Variants in TMEM132D observed in about 807,000 individuals in gnomAD.
The protein encoded by TMEM132D is transmembrane protein 132D, also known as mature OL transmembrane protein.
Under a neutral mutation model 62.3 loss-of-function variants are expected in TMEM132D, and 21 were observed. The observed-to-expected ratio is 0.34, with a 90% CI of 0.24 to 0.49. The LOEUF (loss-of-function observed/expected upper bound fraction) is 0.49, where lower values mean the gene tolerates loss of function less well. Ranked by LOEUF, TMEM132D falls within the 20% of genes least tolerant of loss-of-function variation. TMEM132D has a pLI of 0.99. For synonymous variants in TMEM132D, 621 were observed against 575.6 expected (o/e 1.08, Z -1.13); for missense variants, 1,346 against 1,402.8 (o/e 0.96, Z 0.65).
At chr12:129,578,637 G>A (rs1877753189) in intron 2 of TMEM132D, among the ~76,000 whole-genome samples, 1 of 152,014 alleles carries the variant, frequency 6.6e-6, no homozygotes, top group African/African-American at 2.4e-5. Flanking sequence ...TATACCATCT[G>A]CAAGCTGGTG....
intron 4 of TMEM132D, among the ~76,000 whole-genome samples, chr12:129,228,135 G>A (rs140436850): frequency 1.3e-4 from 11 of 82,512 alleles, no homozygotes; most frequent in African/African-American, 4.4e-4. Context: ...AGCATGAGAC[G>A]TGTGTTTTGG....
chr12:129,236,422 G>C lies in TMEM132D; in HGVS notation c.1300-26759C>G, dbSNP rs183288349. Among the ~76,000 whole-genome samples, 38 of 149,410 alleles carry C rather than the reference G, an allele frequency of 2.5e-4. No homozygotes were observed. In the East Asian group the frequency reaches 6.8e-3, roughly 27 times the overall value. On this transcript the variant is annotated intron_variant, in intron 4 of 8. Transcript: ENST00000422113. Reference sequence around the variant, plus strand: ...CCCAGCTACTCGGGAGGCTGAGGCAGGAGAATTGCTTGAACCTAGGAGGCG... The same window carrying C: ...CCCAGCTACTCGGGAGGCTGAGGCACGAGAATTGCTTGAACCTAGGAGGCG...
chr12:129,298,053 A>G (rs1593327866), intron 4 of TMEM132D, among the ~76,000 whole-genome samples: 1 of 152,326 alleles, frequency 6.6e-6, no homozygotes, highest in East Asian at 1.9e-4. Context: ...GAAAAACAAC[A>G]TTAATACATA....
chr12:129,144,539 C>A (rs546053657), intron 5 of TMEM132D, among the ~76,000 whole-genome samples: 2 of 152,122 alleles, frequency 1.3e-5, no homozygotes, highest in African/African-American at 4.8e-5. Flanking sequence ...CCCTAGCTTA[C>A]GGCTAGACAT....
At chr12:129,713,052 A>G (rs1868434407) in intron 1 of TMEM132D, among the ~76,000 whole-genome samples, 1 of 152,074 alleles carries the variant, frequency 6.6e-6, no homozygotes, top group Non-Finnish European at 1.5e-5. Flanking sequence ...TGACTTTAAG[A>G]CAGAGTCCTA....
At chr12:129,602,376 A>C (rs1195697459) in intron 2 of TMEM132D, among the ~76,000 whole-genome samples, 1 of 152,214 alleles carries the variant, frequency 6.6e-6, no homozygotes, top group East Asian at 1.9e-4. Context: ...TTACTTCCTA[A>C]AGCAGATAGA....
intron 2 of TMEM132D, among the ~76,000 whole-genome samples, chr12:129,581,067 G>C (rs753892381): frequency 6.6e-6 from 1 of 152,302 alleles, no homozygotes; most frequent in East Asian, 1.9e-4. Context: ...CAGGGGTCAT[G>C]GTGGCTTGGT....
chr12:129,554,735 T>C (rs144736091), intron 2 of TMEM132D, among the ~76,000 whole-genome samples: 2 of 152,264 alleles, frequency 1.3e-5, no homozygotes, highest in African/African-American at 4.8e-5. Flanking sequence ...CCTGCTTTCA[T>C]GGGGAATCAC....
intron 2 of TMEM132D, among the ~76,000 whole-genome samples, chr12:129,602,238 A>T (rs1190037437): frequency 6.6e-6 from 1 of 152,210 alleles, no homozygotes; most frequent in Non-Finnish European, 1.5e-5. Flanking sequence ...TCCACACTAT[A>T]GGCTAAGAAT....
intron 2 of TMEM132D, among the ~76,000 whole-genome samples, chr12:129,625,835 A>G (rs1879198491): frequency 6.6e-6 from 1 of 152,156 alleles, no homozygotes; most frequent in Non-Finnish European, 1.5e-5. Flanking sequence ...GCCCACTCAG[A>G]GGGGGTATGT....
intron 3 of TMEM132D, among the ~76,000 whole-genome samples, chr12:129,407,817 G>A (rs1279143155): frequency 1.3e-5 from 2 of 151,344 alleles, no homozygotes; most frequent in African/African-American, 2.4e-5. Flanking sequence ...CAGGAGAATG[G>A]TGCAAACCCG....
chr12:129,586,828 AG>A (rs1439602217), intron 2 of TMEM132D, among the ~76,000 whole-genome samples: 1 of 152,184 alleles, frequency 6.6e-6, no homozygotes, highest in African/African-American at 2.4e-5. Flanking sequence ...AACATGATGA[AG>A]GTGGCATTCC....
At chr12:129,400,226 C>A (rs7133402) in intron 3 of TMEM132D, among the ~76,000 whole-genome samples, 111,964 of 151,960 alleles carry the variant, frequency 0.74, 41,630 homozygotes, top group Non-Finnish European at 0.79. Context: ...GAAACACAAA[C>A]GGTCAAAACT....
chr12:129,707,427 A>G (rs1881533252), intron 1 of TMEM132D, among the ~76,000 whole-genome samples: 1 of 152,088 alleles, frequency 6.6e-6, no homozygotes, highest in Non-Finnish European at 1.5e-5. Flanking sequence ...AATTCTAGAA[A>G]GCAAGTAAAA....
rs2137228014 is a variant in TMEM132D at position 129,700,669 on chromosome 12, T to C, written c.109A>G (p.Ile37Val). 6.2e-7 allele frequency: 1 copy of C among 1,613,276 alleles called. No homozygotes were observed. The highest frequency in any genetic ancestry group is 8.5e-7 in the Non-Finnish European group (1 of 1,179,756). ...GTGGGCAGCAAGGAAAACCTCTGGATGCTCTCAAGGATCCCTCGACCTTCC... is the reference window on the plus strand; with the variant it reads ...GTGGGCAGCAAGGAAAACCTCTGGACGCTCTCAAGGATCCCTCGACCTTCC... ...VTEGRGILES[I>V]QRFSLLPTYL... is the part of the protein sequence containing the mutation. The change falls in exon 2 of 9, where the codon ATC (isoleucine) becomes GTC (valine). Residue 37 changes from isoleucine (I) to valine (V), a missense_variant. Transcript: ENST00000422113.
chr12:129,374,217 T>A (rs1303853473), intron 3 of TMEM132D, among the ~76,000 whole-genome samples: 1 of 150,840 alleles, frequency 6.6e-6, no homozygotes, highest in African/African-American at 2.5e-5. Flanking sequence ...CAGGTGAGGA[T>A]TAGGGCTCTC....
intron 1 of TMEM132D, among the ~76,000 whole-genome samples, chr12:129,823,938 A>G (rs764902): frequency 0.51 from 76,864 of 152,002 alleles, 21,120 homozygotes; most frequent in Non-Finnish European, 0.63. Flanking sequence ...AATAACTAAC[A>G]TGAATAGAGG....
intron 4 of TMEM132D, among the ~76,000 whole-genome samples, chr12:129,215,610 A>G (rs989690340): frequency 6.6e-6 from 1 of 152,194 alleles, no homozygotes. Flanking sequence ...CTTGTGACTC[A>G]AAGGTGGTGG....
intron 5 of TMEM132D, among the ~76,000 whole-genome samples, chr12:129,177,183 G>A (rs1877930394): frequency 6.6e-6 from 1 of 152,130 alleles, no homozygotes; most frequent in South Asian, 2.1e-4. Flanking sequence ...TCTCATTCTT[G>A]CTTATGACTT....
Sources: gnomAD v4.1 joint callset for allele counts (sites outside exome capture counted in the v4.1 genomes callset) on GRCh38, gnomAD v4.1.1 for gene constraint, MANE v1.5 for transcripts, NCBI Gene and HGNC (gene_info 2026-07-23, HGNC 2026-07-21) for gene names.